Variants in IQCH observed in about 807,000 individuals in gnomAD.
IQCH encodes IQ motif containing H.
A neutral mutation model predicts 117.0 loss-of-function variants in IQCH; 98 were observed. That is an observed-to-expected ratio of 0.84 (90% CI 0.71 to 0.99). The LOEUF (loss-of-function observed/expected upper bound fraction) is 0.99. IQCH is among the 50% of genes least tolerant of loss of function. The pLI, the probability that IQCH is intolerant of heterozygous loss-of-function variation, is 0.00. For missense variants in IQCH, 1,102 were observed against 1,243.8 expected, an observed-to-expected ratio of 0.89 and a Z score of 1.72; for synonymous variants, 412 against 448.2, an observed-to-expected ratio of 0.92 and a Z score of 1.02.
Position 67,443,147 on chromosome 15 carries a change from A to T in IQCH, c.2505+21570A>T, listed in dbSNP as rs1480224677. On this transcript the variant is annotated intron_variant, in intron 16 of 20. Transcript: ENST00000335894. This position sits in a 1 kb window ranked among gnomAD's most constrained non-coding sequence, Gnocchi z 5.0. ...AGCTGGGACTACAGGCGCCCGCCAC[A>T]GCGCCCGGCTAATTTTTTGTATTTT... 6.6e-6 allele frequency among the ~76,000 whole-genome samples: 1 copy of T among 151,910 alleles called. No individual in the cohort carries two copies. The highest frequency in any genetic ancestry group is 2.4e-5 in the African/African-American group (1 of 41,356).
intron 16 of IQCH, among the ~76,000 whole-genome samples, chr15:67,461,425 G>A (rs956881086): frequency 6.6e-5 from 10 of 152,204 alleles, no homozygotes; most frequent in Non-Finnish European, 1.2e-4. Context: ...CCAGACACGA[G>A]GTGCTGCAGG....
chr15:67,263,085 C>T (rs1452152747), intron 2 of IQCH, 37 bp from the exon 3 acceptor site: 2 of 1,109,956 alleles, frequency 1.8e-6, no homozygotes, highest in Non-Finnish European at 2.8e-6. Context: ...ATCTTAAGTC[C>T]ACAATAATTG....
chr15:67,347,239 G>A (rs1028266288), intron 6 of IQCH, among the ~76,000 whole-genome samples: 5 of 150,354 alleles, frequency 3.3e-5, no homozygotes, highest in Non-Finnish European at 5.9e-5. Flanking sequence ...AAACCAAACT[G>A]TGTTTCATGG....
At chr15:67,283,331 G>T (rs1249180824) in intron 4 of IQCH, among the ~76,000 whole-genome samples, 3 of 152,158 alleles carry the variant, frequency 2.0e-5, no homozygotes, top group African/African-American at 7.2e-5. Flanking sequence ...ATGCAGATAT[G>T]TAGGGTTTGT....
At chr15:67,280,908 A>G (rs1966327711) in intron 4 of IQCH, among the ~76,000 whole-genome samples, 1 of 152,060 alleles carries the variant, frequency 6.6e-6, no homozygotes, top group African/African-American at 2.4e-5. Context: ...GTGCAGTGGC[A>G]CAATCTCGGC....
rs1235857243 is a variant in IQCH, at chr15:67,357,422, G to T, written c.714+1G>T. The T allele has an allele frequency of 6.4e-7, 1 of 1,567,944 alleles. No homozygotes were observed. The highest frequency in any genetic ancestry group is 1.7e-4 in the Middle Eastern group (1 of 5,958). On this transcript the variant is annotated splice_donor_variant, in intron 7 of 20. Transcript: ENST00000335894. LOFTEE classifies it high-confidence loss of function. ...CTTTCCCAAGAAACAAAGATCAAAG[G>T]TATTTATATTCCTCACTATAGAAAG...
chr15:67,438,163 C>A lies in IQCH; in HGVS notation c.2505+16586C>A, dbSNP rs538801469. On this transcript the variant is annotated intron_variant, in intron 16 of 20. Coordinates refer to ENST00000335894, the MANE Select transcript of IQCH (RefSeq NM_001031715.3). Reference sequence around the variant, plus strand: ...GCTGTGAGAGAGAAGCACCAGGTAACCTATAAAGGAAAACCTATCAGGTTA... The same window carrying A: ...GCTGTGAGAGAGAAGCACCAGGTAAACTATAAAGGAAAACCTATCAGGTTA... 3.4e-4 allele frequency among the ~76,000 whole-genome samples: 52 copies of A among 152,242 alleles called. 2 individuals carry two copies. In the South Asian group the frequency reaches 0.01, roughly 30 times the overall value.
chr15:67,271,804 T>G (rs1224684634), intron 3 of IQCH, among the ~76,000 whole-genome samples: 1 of 152,138 alleles, frequency 6.6e-6, no homozygotes, highest in African/African-American at 2.4e-5. Context: ...TTATTTGGGT[T>G]TTATCTCTTT....
At chr15:67,419,819 AAG>A (rs1301461970) in intron 15 of IQCH, among the ~76,000 whole-genome samples, 2 of 152,196 alleles carry the variant, frequency 1.3e-5, no homozygotes, top group African/African-American at 4.8e-5. Context: ...AGTGGAAAAA[AAG>A]TAACAGTGAA....
chr15:67,308,633 TC>T (rs1283601023), intron 4 of IQCH, among the ~76,000 whole-genome samples: 1 of 152,080 alleles, frequency 6.6e-6, no homozygotes, highest in East Asian at 1.9e-4. Context: ...TTCATGTCCT[TC>T]CTGATTCACA....
intron 4 of IQCH, chr15:67,281,898 A>G (rs1966375654): frequency 1.3e-5 from 5 of 388,278 alleles, no homozygotes; most frequent in Non-Finnish European, 2.6e-5. Context: ...ATATCAGTTC[A>G]GGCTCCTGTG....
rs370422577 is a variant in IQCH at position 67,319,597 on chromosome 15, A to G, written c.388-17378A>G. Among the ~76,000 whole-genome samples, 51 of 152,350 alleles carry G rather than the reference A, an allele frequency of 3.3e-4. 2 individuals are homozygous for G. The East Asian group carries it at 6.6e-3, about 20-fold the overall frequency. ...TGTACTGATTGTGGAAATAAAGTTC[A>G]CAGAAGGTATTGTTTTTTCAATTTA... On this transcript the variant is annotated intron_variant, in intron 4 of 20. Coordinates refer to ENST00000335894, the MANE Select transcript of IQCH (RefSeq NM_001031715.3).
intron 4 of IQCH, among the ~76,000 whole-genome samples, chr15:67,299,912 G>C (rs1939237987): frequency 6.6e-6 from 1 of 152,140 alleles, no homozygotes; most frequent in African/African-American, 2.4e-5. Flanking sequence ...TGACTCCAAG[G>C]ATTTTCAGCT....
rs1359024666 is a variant in IQCH, at chr15:67,356,433, C to A, written c.638-912C>A. On this transcript the variant is annotated intron_variant, in intron 6 of 20. Coordinates refer to ENST00000335894, the MANE Select transcript of IQCH (RefSeq NM_001031715.3). This position sits in a 1 kb window ranked among gnomAD's most constrained non-coding sequence, Gnocchi z 5.3. ...AAAAAAGAGCTGAAGATATTCCTTG[C>A]AGCTCAGTTGAGGCAATCTAAGAGA... Among the ~76,000 whole-genome samples the A allele has an allele frequency of 6.6e-6, 1 of 152,182 alleles. No individual in the cohort carries two copies. The highest frequency in any genetic ancestry group is 1.5e-5 in the Non-Finnish European group (1 of 68,026).
At chr15:67,272,556 A>C (rs180791913) in intron 3 of IQCH, among the ~76,000 whole-genome samples, 4 of 152,076 alleles carry the variant, frequency 2.6e-5, no homozygotes, top group Non-Finnish European at 4.4e-5. Flanking sequence ...GTTGCAATCT[A>C]TCTCTCTCTT....
intron 12 of IQCH, among the ~76,000 whole-genome samples, chr15:67,392,340 A>G (rs1447071156): frequency 2.1e-4 from 32 of 152,314 alleles, no homozygotes; most frequent in Non-Finnish European, 1.0e-4. Flanking sequence ...GGAATAATTT[A>G]TGGGAAAAAG....
chr15:67,302,905 A>T (rs1047793651), intron 4 of IQCH, among the ~76,000 whole-genome samples: 3 of 152,198 alleles, frequency 2.0e-5, no homozygotes, highest in African/African-American at 7.2e-5. Flanking sequence ...TAAAAAGTAA[A>T]AGGAAGATTT....
intron 16 of IQCH, among the ~76,000 whole-genome samples, chr15:67,438,872 T>C (rs2082199334): frequency 6.6e-6 from 1 of 152,150 alleles, no homozygotes; most frequent in South Asian, 2.1e-4. Context: ...CCTAAACATA[T>C]ATGCATGTAA....
rs2081717370 is a variant in IQCH, at chr15:67,420,792, T to C, written c.2219-499T>C. On this transcript the variant is annotated intron_variant, in intron 15 of 20. Transcript: ENST00000335894. ...AAAATGTTTTATAACTGGCTTTATATAGAAGTCCTTTGGCTGACATGATGG... is the reference window on the plus strand; with the variant it reads ...AAAATGTTTTATAACTGGCTTTATACAGAAGTCCTTTGGCTGACATGATGG... Among the ~76,000 whole-genome samples the C allele has an allele frequency of 3.3e-5, 5 of 152,262 alleles. No homozygotes were observed. In the South Asian group the frequency reaches 1.0e-3, roughly 31 times the overall value.
Sources: allele counts gnomAD v4.1 joint callset (sites outside exome capture counted in the v4.1 genomes callset), GRCh38; gene constraint gnomAD v4.1.1; non-coding constraint Gnocchi (gnomAD v3.1); transcripts MANE v1.5; gene names NCBI Gene and HGNC (gene_info 2026-07-23, HGNC 2026-07-21).